Variants in EPHA5 observed in about 807,000 individuals in gnomAD.
EPHA5 encodes the protein EPH receptor A5.
In EPHA5, 60 loss-of-function variants were observed where a neutral mutation model predicts 105.0. The observed-to-expected ratio is 0.57, with a 90% CI of 0.46 to 0.71. The LOEUF is 0.71. EPHA5 is among the 30% of genes least tolerant of loss of function. The pLI, the probability that EPHA5 is intolerant of heterozygous loss-of-function variation, is 0.00. For synonymous variants in EPHA5, 513 were observed against 449.1 expected (o/e 1.14, Z -1.80); for missense variants, 1,218 against 1,274.7 (o/e 0.96, Z 0.68).
intron 3 of EPHA5, among the ~76,000 whole-genome samples, chr4:65,531,775 C>A (rs1490013262): frequency 6.6e-6 from 1 of 152,008 alleles, no homozygotes; most frequent in Non-Finnish European, 1.5e-5. Context: ...ATCCAGGAAT[C>A]TGATGATAAA....
Position 65,365,100 on chromosome 4 carries a change from C to G in EPHA5, c.2090G>C (p.Arg697Pro), listed in dbSNP as rs910705978. The G allele has an allele frequency of 6.2e-7, 1 of 1,611,784 alleles. No individual in the cohort carries two copies. ...ACTTGCTTCACCTAGGAAATCTCTG[C>G]GTTGCTTTTCAGTATAGCCTACTTT... Reference protein sequence around the residue: ...TLKVGYTEKQRRDFLGEASIM... With the variant: ...TLKVGYTEKQPRDFLGEASIM... Residue 697 changes from arginine to proline, a missense_variant, in exon 11 of 17, where the codon CGC becomes CCC. Transcript: ENST00000613740.
intron 3 of EPHA5, among the ~76,000 whole-genome samples, chr4:65,601,208 T>C (rs1161125559): frequency 6.6e-6 from 1 of 152,194 alleles, no homozygotes; most frequent in Admixed American, 6.5e-5. Context: ...TAAAAGGCAG[T>C]TAAAAACATG....
intron 10 of EPHA5, among the ~76,000 whole-genome samples, 197 bp downstream of exon 10, chr4:65,365,735 T>A (rs1429442903): frequency 6.8e-6 from 1 of 146,696 alleles, no homozygotes; most frequent in Non-Finnish European, 1.5e-5. Context: ...GTTTTTAAAT[T>A]TTATAAACCA....
At chr4:65,391,299 T>C (rs568867606) in intron 8 of EPHA5, among the ~76,000 whole-genome samples, 1 of 152,212 alleles carries the variant, frequency 6.6e-6, no homozygotes, top group Non-Finnish European at 1.5e-5. Context: ...ATCACAGCCA[T>C]CAGCAGTATA....
intron 5 of EPHA5, among the ~76,000 whole-genome samples, chr4:65,426,995 G>A (rs1724500487): frequency 6.6e-6 from 1 of 151,708 alleles, no homozygotes; most frequent in African/African-American, 2.4e-5. Flanking sequence ...GAGACTTCTG[G>A]AGCAAAGAAT....
chr4:65,390,463 T>G (rs192973780), intron 8 of EPHA5, among the ~76,000 whole-genome samples: 2 of 152,022 alleles, frequency 1.3e-5, no homozygotes, highest in African/African-American at 4.8e-5. Context: ...TGGCCCTGCA[T>G]GACATGCCAT....
chr4:65,335,981 G>T lies in EPHA5; in HGVS notation c.2740C>A (p.Leu914Met), dbSNP rs2148812901. The change falls in exon 15 of 17, where the codon CTG (leucine) becomes ATG (methionine). Residue 914 changes from leucine (L) to methionine (M), a missense_variant. Around this residue, in one of 3 missense-constraint regions of EPHA5, gnomAD observed 971 missense variants for 1,013.5 expected, o/e 0.96. Coordinates refer to ENST00000613740, the MANE Select transcript of EPHA5 (RefSeq NM_001281766.3). Reference sequence around the variant, plus strand: ...TTCAGACTACTTGGGTTACGTATCAGCTTGTCCAACATGTTGACTATTTCA... The same window carrying T: ...TTCAGACTACTTGGGTTACGTATCATCTTGTCCAACATGTTGACTATTTCA... Reference protein sequence around the residue: ...FDEIVNMLDKLIRNPSSLKTL... With the variant: ...FDEIVNMLDKMIRNPSSLKTL... The T allele has an allele frequency of 6.2e-7, 1 of 1,613,072 alleles. No homozygotes were observed. Among genetic ancestry groups the T allele is most frequent in the Non-Finnish European group, 8.5e-7 (1 of 1,179,420 alleles).
chr4:65,339,044 G>C (rs1334527680), intron 14 of EPHA5, among the ~76,000 whole-genome samples: 4 of 152,114 alleles, frequency 2.6e-5, no homozygotes, highest in Admixed American at 2.6e-4. Context: ...GTTCAGATGT[G>C]CTATATCTGA....
rs577156652 is a variant in EPHA5, at chr4:65,326,511, T to C, written c.2946-2292A>G. ...CTATGGTCACCAAATCTGACCATAG[T>C]AGTTTCTGTTATGCACTAATATTCT... On this transcript the variant is annotated intron_variant, in intron 16 of 16. Coordinates refer to ENST00000613740, the MANE Select transcript of EPHA5 (RefSeq NM_001281766.3). Among the ~76,000 whole-genome samples, 46 of 151,532 alleles carry C rather than the reference T, an allele frequency of 3.0e-4. 1 individual carries two copies. Among genetic ancestry groups the C allele is most frequent in the African/African-American group, 1.1e-3 (46 of 41,466 alleles).
chr4:65,546,979 G>A (rs771403401), intron 3 of EPHA5, among the ~76,000 whole-genome samples: 4 of 151,922 alleles, frequency 2.6e-5, no homozygotes, highest in South Asian at 4.2e-4. Flanking sequence ...ATAATCATTC[G>A]TAAGTCCACA....
chr4:65,431,596 C>T (rs973806353), intron 5 of EPHA5, among the ~76,000 whole-genome samples: 6 of 152,072 alleles, frequency 3.9e-5, no homozygotes, highest in Non-Finnish European at 7.4e-5. Flanking sequence ...CCCGACCTCC[C>T]TCCTTTCCTT....
intron 3 of EPHA5, among the ~76,000 whole-genome samples, chr4:65,566,924 A>C (rs1160926295): frequency 6.6e-6 from 1 of 151,542 alleles, no homozygotes; most frequent in Non-Finnish European, 1.5e-5. Context: ...TTGAGGGTAA[A>C]TAGTGGGAAT....
At chr4:65,601,520 A>G in intron 3 of EPHA5, 121 bp downstream of exon 3, 1 of 999,330 alleles carries the variant, frequency 1.0e-6, no homozygotes, top group Non-Finnish European at 1.4e-6. Context: ...AAAACTTGAG[A>G]GAAATAATCT....
intron 6 of EPHA5, among the ~76,000 whole-genome samples, chr4:65,416,165 G>A (rs1007269360): frequency 1.3e-5 from 2 of 151,888 alleles, no homozygotes; most frequent in African/African-American, 4.8e-5. Context: ...CAGAATTTAA[G>A]TATAAAATTC....
intron 2 of EPHA5, among the ~76,000 whole-genome samples, chr4:65,610,739 A>G (rs1426753305): frequency 6.6e-6 from 1 of 152,138 alleles, no homozygotes; most frequent in Non-Finnish European, 1.5e-5. Flanking sequence ...AAGCAACCCT[A>G]TTGTATAGGG....
At chr4:65,603,945 A>G (rs1161333436) in intron 2 of EPHA5, among the ~76,000 whole-genome samples, 1 of 152,146 alleles carries the variant, frequency 6.6e-6, no homozygotes, top group East Asian at 1.9e-4. Flanking sequence ...ATTATGATCA[A>G]TATTTCATGC....
In EPHA5 at chr4:65,358,758, G is replaced by A. The variant is rs926727819; in HGVS notation, c.2174-5655C>T. Among the ~76,000 whole-genome samples, 3 of 151,460 alleles carry A rather than the reference G, an allele frequency of 2.0e-5. No homozygotes were observed. In the South Asian group the frequency reaches 6.2e-4, roughly 31 times the overall value. On this transcript the variant is annotated intron_variant, in intron 11 of 16. Transcript: ENST00000613740. ...GTAAAATTATATAATTTCAGATTGG[G>A]CAAATAAGATAAAATCAAAAGCTTG...
intron 8 of EPHA5, among the ~76,000 whole-genome samples, chr4:65,389,119 G>A (rs903606369): frequency 6.6e-6 from 1 of 151,988 alleles, no homozygotes; most frequent in Admixed American, 6.6e-5. Context: ...GAGGAAGATT[G>A]GACCTCTAAA....
chr4:65,402,669 C>A (rs1340490907), intron 8 of EPHA5, among the ~76,000 whole-genome samples: 1 of 152,020 alleles, frequency 6.6e-6, no homozygotes, highest in Non-Finnish European at 1.5e-5. Context: ...ATAAATATAA[C>A]TAATGTTTAT....
Sources: gnomAD v4.1 joint callset for allele counts (sites outside exome capture counted in the v4.1 genomes callset) on GRCh38, gnomAD v4.1.1 for gene constraint, gnomAD v4.1.1 regional missense constraint, MANE v1.5 for transcripts, NCBI Gene and HGNC (gene_info 2026-07-23, HGNC 2026-07-21) for gene names.